The following DCC variants were observed in gnomAD, a reference collection of about 807,000 sequenced individuals.
The protein encoded by DCC is DCC netrin 1 receptor.
In DCC, 58 loss-of-function variants were observed where a neutral mutation model predicts 172.5. The ratio of observed to expected loss-of-function variants is 0.34; its 90% CI spans 0.27 to 0.42. DCC has a LOEUF of 0.42. Among genes scored for constraint, DCC ranks in the 10% least tolerant of loss-of-function variants. The pLI, the probability that DCC is intolerant of heterozygous loss-of-function variation, is 1.00. For missense variants in DCC, 1,740 were observed against 1,791.0 expected (o/e 0.97, Z 0.51); for synonymous variants, 709 against 644.5 (o/e 1.10, Z -1.52).
chr18:53,042,741 A>T (rs960438926), intron 5 of DCC, among the ~76,000 whole-genome samples: 1 of 152,038 alleles, frequency 6.6e-6, no homozygotes, highest in Non-Finnish European at 1.5e-5. Flanking sequence ...CAGAAATGCA[A>T]ATCAAAACTA....
intron 2 of DCC, among the ~76,000 whole-genome samples, chr18:52,765,340 C>T (rs935047223): frequency 6.6e-6 from 1 of 152,002 alleles, no homozygotes; most frequent in Non-Finnish European, 1.5e-5. Context: ...CCACTGCACC[C>T]AGACTCTAGC....
chr18:53,447,864 G>A (rs1356156148), intron 22 of DCC, among the ~76,000 whole-genome samples: 1 of 151,976 alleles, frequency 6.6e-6, no homozygotes, highest in Non-Finnish European at 1.5e-5. Flanking sequence ...TTCTTTTATG[G>A]TAAGTGTAAA....
chr18:52,695,471 G>A lies in DCC; in HGVS notation c.92-56583G>A, dbSNP rs1471539786. 2.6e-5 allele frequency among the ~76,000 whole-genome samples: 4 copies of A among 152,146 alleles called. No homozygotes were observed. In the East Asian group the frequency reaches 7.7e-4, roughly 29 times the overall value. ...TGAAAAACCCTGAATTGTGTCAACA[G>A]GATAGATTTACTTTTTCCTAATATG... On this transcript the variant is annotated intron_variant, in intron 1 of 28. Coordinates refer to ENST00000442544, the MANE Select transcript of DCC (RefSeq NM_005215.4).
intron 14 of DCC, among the ~76,000 whole-genome samples, chr18:53,332,140 T>C (rs1262395054): frequency 1.3e-5 from 2 of 152,176 alleles, no homozygotes; most frequent in African/African-American, 4.8e-5. Context: ...GACACATATT[T>C]TCAGAATTAC....
intron 27 of DCC, among the ~76,000 whole-genome samples, chr18:53,508,154 A>C (rs1218315799): frequency 6.6e-6 from 1 of 151,700 alleles, no homozygotes; most frequent in Non-Finnish European, 1.5e-5. Flanking sequence ...CGGCCTCCCA[A>C]AGTGCTGGGA....
intron 14 of DCC, among the ~76,000 whole-genome samples, chr18:53,326,324 G>A (rs1460754558): frequency 6.6e-6 from 1 of 152,142 alleles, no homozygotes; most frequent in Non-Finnish European, 1.5e-5. Flanking sequence ...CCATTTCAGA[G>A]CATTTAACTG....
At chr18:52,395,813 A>G (rs1986203943) in intron 1 of DCC, among the ~76,000 whole-genome samples, 1 of 151,998 alleles carries the variant, frequency 6.6e-6, no homozygotes, top group African/African-American at 2.4e-5. Flanking sequence ...CATCTTCTAC[A>G]TGGATTCCTG....
At chr18:53,095,790 A>ATATTT (rs2043077474) in intron 7 of DCC, among the ~76,000 whole-genome samples, 1 of 102,954 alleles carries the variant, frequency 9.7e-6, no homozygotes, top group African/African-American at 4.5e-5. Context: ...GGATATGGAT[A>ATATTT]TCTTTTTTTT....
chr18:53,351,418 C>CTGTGTATATATATAT (rs2057806104), intron 15 of DCC, among the ~76,000 whole-genome samples: 1 of 19,256 alleles, frequency 5.2e-5, no homozygotes. Flanking sequence ...TATATATATA[C>CTGTGTATATATATAT]ACACTGTGTA....
intron 5 of DCC, among the ~76,000 whole-genome samples, chr18:52,978,143 T>C (rs772830765): frequency 2.6e-5 from 4 of 152,006 alleles, no homozygotes; most frequent in Non-Finnish European, 4.4e-5. Flanking sequence ...TTTATCTTAA[T>C]GATGATGGTT....
At position 53,459,819 on chromosome 18, in the gene DCC, C is replaced by T. The variant is rs890581718; in HGVS notation, c.3619+361C>T. On this transcript the variant is annotated intron_variant, in intron 24 of 28. Transcript: ENST00000442544. ...GCAATAAAATTTGAAGCCATCTGTA[C>T]ATTTTCCAGTTCCTTATTTCGATAG... Among the ~76,000 whole-genome samples, 6 of 152,100 alleles carry T rather than the reference C, an allele frequency of 3.9e-5. 1 individual carries two copies. The highest frequency in any genetic ancestry group is 1.4e-4 in the African/African-American group (6 of 41,420).
intron 1 of DCC, among the ~76,000 whole-genome samples, chr18:52,581,870 C>T (rs1458084625): frequency 6.6e-6 from 1 of 152,138 alleles, no homozygotes; most frequent in South Asian, 2.1e-4. Flanking sequence ...GCCAAGTACT[C>T]CTATGGCCAG....
intron 1 of DCC, among the ~76,000 whole-genome samples, chr18:52,665,462 T>A (rs1051616740): frequency 6.6e-6 from 1 of 152,244 alleles, no homozygotes; most frequent in Non-Finnish European, 1.5e-5. Context: ...TAAATTGTTA[T>A]GTTGAATTGT....
At chr18:53,385,619 C>CAGATCAGCA in intron 15 of DCC, among the ~76,000 whole-genome samples, 1 of 152,312 alleles carries the variant, frequency 6.6e-6, no homozygotes, top group East Asian at 1.9e-4. Context: ...ATCTGCTGTG[C>CAGATCAGCA]TTTCCAGCAT....
intron 1 of DCC, among the ~76,000 whole-genome samples, chr18:52,599,355 G>A (rs74940440): frequency 0.042 from 6,364 of 152,128 alleles, 173 homozygotes; most frequent in Middle Eastern, 0.061. Flanking sequence ...GAGCTTTGAG[G>A]ACATGTGGTC....
intron 9 of DCC, among the ~76,000 whole-genome samples, chr18:53,204,117 T>C: frequency 7.0e-6 from 1 of 142,136 alleles, no homozygotes; most frequent in East Asian, 2.0e-4. Flanking sequence ...ATGAGTATCA[T>C]ATGCTTTACT....
chr18:52,665,542 A>C (rs1305197880), intron 1 of DCC, among the ~76,000 whole-genome samples: 1 of 152,242 alleles, frequency 6.6e-6, no homozygotes, highest in African/African-American at 2.4e-5. Flanking sequence ...GATGTCATCC[A>C]GAAGTTAGTG....
chr18:52,661,053 A>G (rs904648019), intron 1 of DCC, among the ~76,000 whole-genome samples: 1 of 152,180 alleles, frequency 6.6e-6, no homozygotes, highest in African/African-American at 2.4e-5. Context: ...AAGGAGAGTG[A>G]TAAGGATGGC....
rs1983577359 is a variant in DCC, at chr18:52,340,514, T to C, written c.-274T>C. The C allele has an allele frequency of 3.7e-6, 2 of 541,892 alleles. No homozygotes were observed. The highest frequency in any genetic ancestry group is 6.6e-6 in the Non-Finnish European group (2 of 301,228). 33.6% of individuals were successfully genotyped at this position (541,892 alleles called of 1,614,324 possible). On this transcript the variant is annotated 5_prime_UTR_variant, in exon 1 of 29. Transcript: ENST00000442544. ...CCTCCGTTTCCTTGAGTTAGTTTTC[T>C]AAGGTTTTACCGGGGCTCGGGATCT...
Sources: allele counts gnomAD v4.1 joint callset (sites outside exome capture counted in the v4.1 genomes callset), GRCh38; gene constraint gnomAD v4.1.1; transcripts MANE v1.5; gene names NCBI Gene and HGNC (gene_info 2026-07-23, HGNC 2026-07-21).